TCF7L1: variants seen among roughly 807,000 people sequenced by gnomAD.
The protein encoded by TCF7L1 is transcription factor 7 like 1.
TCF7L1 carries 18 observed loss-of-function variants against 63.7 expected under a neutral mutation model. The observed-to-expected ratio is 0.28, with a 90% CI of 0.20 to 0.42. The LOEUF (loss-of-function observed/expected upper bound fraction) is 0.42. Among genes scored for constraint, TCF7L1 ranks in the 10% least tolerant of loss-of-function variants. The pLI, the probability that TCF7L1 is intolerant of heterozygous loss-of-function variation, is 1.00. For synonymous variants in TCF7L1, 355 were observed against 340.9 expected, an observed-to-expected ratio of 1.04 and a Z score of -0.46; for missense variants, 654 against 779.3, an observed-to-expected ratio of 0.84 and a Z score of 1.91.
intron 3 of TCF7L1, among the ~76,000 whole-genome samples, chr2:85,230,773 T>G (rs907191150): frequency 6.6e-6 from 1 of 152,218 alleles, no homozygotes; most frequent in Non-Finnish European, 1.5e-5. Flanking sequence ...GGCAGCCTTG[T>G]TATTGCGAAG....
intron 3 of TCF7L1, among the ~76,000 whole-genome samples, chr2:85,270,986 A>G (rs1309607545): frequency 1.3e-5 from 2 of 151,778 alleles, no homozygotes; most frequent in East Asian, 3.9e-4. Flanking sequence ...TGTGAGTCCC[A>G]TTCCCAACCA....
At chr2:85,272,073 T>C (rs1366777640) in intron 3 of TCF7L1, among the ~76,000 whole-genome samples, 2 of 152,212 alleles carry the variant, frequency 1.3e-5, no homozygotes, top group Non-Finnish European at 2.9e-5. Flanking sequence ...CCACCCCCGC[T>C]GCCTTCCTCC....
At chr2:85,145,615 G>C (rs555557515) in intron 3 of TCF7L1, among the ~76,000 whole-genome samples, 23 of 152,286 alleles carry the variant, frequency 1.5e-4, no homozygotes, top group Non-Finnish European at 2.9e-5. Flanking sequence ...AGGACCCTGC[G>C]GGAGTGTCCT....
At chr2:85,294,186 G>C (rs1430854872) in intron 4 of TCF7L1, among the ~76,000 whole-genome samples, 1 of 151,730 alleles carries the variant, frequency 6.6e-6, no homozygotes, top group African/African-American at 2.4e-5. Flanking sequence ...ACAGGCACCC[G>C]CCACCACGCC....
intron 3 of TCF7L1, among the ~76,000 whole-genome samples, chr2:85,279,362 G>A (rs774259168): frequency 6.6e-6 from 1 of 151,524 alleles, no homozygotes; most frequent in Non-Finnish European, 1.5e-5. Flanking sequence ...CGTTGAAGAC[G>A]AGCCTGGGCA....
intron 3 of TCF7L1, among the ~76,000 whole-genome samples, chr2:85,259,781 A>G (rs1164544669): frequency 6.6e-6 from 1 of 152,200 alleles, no homozygotes; most frequent in Non-Finnish European, 1.5e-5. Context: ...TTTCTGAACA[A>G]TGAACAAAGA....
At chr2:85,308,063 C>T (rs1682158654) in intron 11 of TCF7L1, among the ~76,000 whole-genome samples, 2 of 152,144 alleles carry the variant, frequency 1.3e-5, no homozygotes, top group African/African-American at 4.8e-5. Context: ...CACATGAGCC[C>T]CTGACATCCC....
intron 3 of TCF7L1, among the ~76,000 whole-genome samples, chr2:85,260,327 A>G (rs1168796745): frequency 6.6e-6 from 1 of 152,078 alleles, no homozygotes; most frequent in Non-Finnish European, 1.5e-5. Flanking sequence ...GATGTTTCCA[A>G]TTCATCATTT....
chr2:85,191,646 G>A (rs1679039554), intron 3 of TCF7L1, among the ~76,000 whole-genome samples: 1 of 152,062 alleles, frequency 6.6e-6, no homozygotes, highest in Non-Finnish European at 1.5e-5. Flanking sequence ...TCAACGTGGT[G>A]AAACTCTGTC....
chr2:85,140,099 T>C (rs1167646637), intron 3 of TCF7L1, among the ~76,000 whole-genome samples: 2 of 151,590 alleles, frequency 1.3e-5, no homozygotes, highest in African/African-American at 4.9e-5. Flanking sequence ...GGAGGGGAGG[T>C]ACCAGATCCA....
At chr2:85,220,099 A>G (rs979510097) in intron 3 of TCF7L1, among the ~76,000 whole-genome samples, 2 of 152,164 alleles carry the variant, frequency 1.3e-5, no homozygotes, top group Non-Finnish European at 2.9e-5. Flanking sequence ...CATTGAACCT[A>G]TAAATTGTGG....
chr2:85,268,861 C>T (rs1384398504), intron 3 of TCF7L1, among the ~76,000 whole-genome samples: 2 of 151,528 alleles, frequency 1.3e-5, no homozygotes, highest in African/African-American at 2.4e-5. Flanking sequence ...GGAAAGTCAG[C>T]GGGCAGCAGG....
At chr2:85,145,535 T>C (rs1382396221) in intron 3 of TCF7L1, among the ~76,000 whole-genome samples, 2 of 152,240 alleles carry the variant, frequency 1.3e-5, no homozygotes, top group Non-Finnish European at 2.9e-5. Context: ...TCAGGGTCAT[T>C]AAACTCAGCC....
In TCF7L1 at chr2:85,307,885, A is replaced by G. The variant is rs1682155422; in HGVS notation, c.1333+168A>G. Among the ~76,000 whole-genome samples the G allele has an allele frequency of 2.0e-5, 3 of 152,234 alleles. No homozygotes were observed. In the South Asian group the frequency reaches 6.2e-4, roughly 32 times the overall value. The stretch of plus-strand genomic sequence containing the variant: ...GCCACTTAAGAGGCTCTGAGATGTG[A>G]AGGCATTTTCCCAGGCACTCTGCTT... On this transcript the variant is annotated intron_variant, in intron 11 of 11. Coordinates refer to ENST00000282111, the MANE Select transcript of TCF7L1 (RefSeq NM_031283.3).
intron 3 of TCF7L1, among the ~76,000 whole-genome samples, chr2:85,263,298 C>A (rs1680896380): frequency 9.4e-6 from 1 of 105,906 alleles, no homozygotes; most frequent in South Asian, 3.2e-4. Flanking sequence ...ACCGCTGGAG[C>A]TTTTGTTGGG....
chr2:85,176,700 G>C (rs1678683347), intron 3 of TCF7L1, among the ~76,000 whole-genome samples: 2 of 152,136 alleles, frequency 1.3e-5, no homozygotes, highest in African/African-American at 4.8e-5. Flanking sequence ...CTATAACAAA[G>C]TGCTGGCCAG....
At chr2:85,290,432 T>C (rs1015730665) in intron 4 of TCF7L1, among the ~76,000 whole-genome samples, 2 of 152,298 alleles carry the variant, frequency 1.3e-5, no homozygotes, top group African/African-American at 4.8e-5. Flanking sequence ...TGCCTCAGTC[T>C]CCAAAAGTGC....
At chr2:85,295,988 G>A (rs1681833158) in intron 4 of TCF7L1, among the ~76,000 whole-genome samples, 1 of 151,984 alleles carries the variant, frequency 6.6e-6, no homozygotes, top group Non-Finnish European at 1.5e-5. Flanking sequence ...ATGTTGGCCA[G>A]GCTGGTCTCA....
At position 85,189,819 on chromosome 2, in the gene TCF7L1, C is replaced by T. The variant is rs574611670; in HGVS notation, c.441+55369C>T. Reference sequence around the variant, plus strand: ...ACACAATCAGCTGAGAGGGGCGCTGCGAGCCTTGCACATGAGAATGCGCCC... The same window carrying T: ...ACACAATCAGCTGAGAGGGGCGCTGTGAGCCTTGCACATGAGAATGCGCCC... On this transcript the variant is annotated intron_variant, in intron 3 of 11. Transcript: ENST00000282111. Among the ~76,000 whole-genome samples, 4 of 152,284 alleles carry T rather than the reference C, an allele frequency of 2.6e-5. No individual in the cohort carries two copies. The East Asian group carries it at 5.8e-4, about 22-fold the overall frequency.
Sources: allele counts gnomAD v4.1 joint callset (sites outside exome capture counted in the v4.1 genomes callset), GRCh38; gene constraint gnomAD v4.1.1; transcripts MANE v1.5; gene names NCBI Gene and HGNC (gene_info 2026-07-23, HGNC 2026-07-21).